The following B4GALT3 variants were observed in gnomAD, a reference collection of about 807,000 sequenced individuals.
B4GALT3 encodes N-acetyllactosamine synthase.
A neutral mutation model predicts 40.7 loss-of-function variants in B4GALT3; 29 were observed. That is an observed-to-expected ratio of 0.71 (90% CI 0.53 to 0.97). The LOEUF is 0.97. Among genes scored for constraint, B4GALT3 ranks in the 50% least tolerant of loss-of-function variants. The pLI is 0.00. For synonymous variants in B4GALT3, 182 were observed against 203.9 expected (o/e 0.89, Z 0.92); for missense variants, 390 against 522.3 (o/e 0.75, Z 2.47).
chr1:161,173,374 G>C (rs1662222828), intron 6 of B4GALT3, among the ~76,000 whole-genome samples: 1 of 152,178 alleles, frequency 6.6e-6, no homozygotes, highest in African/African-American at 2.4e-5. Flanking sequence ...ATTTCCTATT[G>C]ATCTTATGTC....
chr1:161,177,278 C>G, intron 1 of B4GALT3, 145 bp downstream of exon 1: 1 of 582,228 alleles, frequency 1.7e-6, no homozygotes, highest in Non-Finnish European at 3.1e-6. Flanking sequence ...GCAACGTGAG[C>G]CCGCCCGGCC....
At position 161,176,007 on chromosome 1, in the gene B4GALT3, G is replaced by A. The variant is rs1663372062; in HGVS notation, c.54C>T (p.Ser18=). Residue 18 remains serine, a synonymous_variant, in exon 3 of 8, where the codon TCC becomes TCT. Coordinates refer to ENST00000319769, the MANE Select transcript of B4GALT3 (RefSeq NM_003779.4). ...ACAGGTACATCATGACAGCCAGCTG[G>A]GAGCCCACAAGCAGGGCCAGCGTGC... ...RPCTLALLVG[S]QLAVMMYLSL... 1 of 1,613,972 alleles carries A rather than the reference G, an allele frequency of 6.2e-7. No individual in the cohort carries two copies. The highest frequency in any genetic ancestry group is 1.7e-5 in the Admixed American group (1 of 59,990).
Position 161,176,421 on chromosome 1 carries a change from GAGAT to G in B4GALT3, c.-15+9_-15+12del, listed in dbSNP as rs1183511187. ...CCCCTCTTCCAATTTTAGAAGGGAA[GAGAT>G]AGACTCACCTAGGTTCAAGCTGTCT... On this transcript the variant is annotated intron_variant, in intron 2 of 7. Transcript: ENST00000319769. 2 of 404,310 alleles carry G rather than the reference GAGAT, an allele frequency of 4.9e-6. No individual in the cohort carries two copies. The highest frequency in any genetic ancestry group is 4.9e-5 in the East Asian group (1 of 20,554). 25.0% of individuals were successfully genotyped at this position (404,310 alleles called of 1,614,324 possible). A position where few individuals can be genotyped will look rare whatever the true frequency, so the allele number is the denominator to read the frequency against.
Position 161,175,794 on chromosome 1 carries a change from C to T in B4GALT3, c.253+14G>A. ...TTGTCCTTCCTTTCACCACCTCCTT[C>T]CTCCTGCACTTACCTAAGAGAGGAG... On this transcript the variant is annotated intron_variant, in intron 3 of 7. Coordinates refer to ENST00000319769, the MANE Select transcript of B4GALT3 (RefSeq NM_003779.4). The T allele has an allele frequency of 6.2e-7, 1 of 1,609,894 alleles. No homozygotes were observed. Among genetic ancestry groups the T allele is most frequent in the African/African-American group, 1.3e-5 (1 of 74,890 alleles).
chr1:161,172,710 C>A (rs1661896589), intron 6 of B4GALT3, among the ~76,000 whole-genome samples: 1 of 152,112 alleles, frequency 6.6e-6, no homozygotes, highest in South Asian at 2.1e-4. Context: ...GCTACCCCAG[C>A]TTCTCTCCCA....
In B4GALT3 at chr1:161,175,133, C is replaced by T. The variant is rs778993868; in HGVS notation, c.349G>A (p.Ala117Thr). The T allele has an allele frequency of 6.2e-7, 1 of 1,613,956 alleles. No homozygotes were observed. The highest frequency in any genetic ancestry group is 8.5e-7 in the Non-Finnish European group (1 of 1,179,894). Residue 117 changes from alanine (A) to threonine (T), a missense_variant, in exon 4 of 8, where the codon GCA (alanine) becomes ACA (threonine). Ala to Thr is a moderately conservative substitution (Grantham distance 58). This residue lies in a region of B4GALT3 where 183 missense variants were observed against 223.2 expected (regional missense o/e 0.82). Transcript: ENST00000319769. ...GTTCGGGAGCGGGGCTCACAACCTG[C>T]AGGGCGGTACCGGCCCCCTGGTTCT... is the stretch of plus-strand genomic sequence containing the variant. ...RVEPGGRYRPAGCEPRSRTAI... is the reference protein window; with the variant it reads ...RVEPGGRYRPTGCEPRSRTAI...
rs769692096 is a variant in B4GALT3, at chr1:161,175,814, G to C, written c.247C>G (p.Leu83Val). ...TCCTTCCTCCTGCACTTACCTAAGA[G>C]AGGAGATCGTTCTGGACAGTAGGGC... is the stretch of plus-strand genomic sequence containing the variant. ...GLPYCPERSP[L>V]LVGPVSVSFS... Residue 83 changes from leucine (L) to valine (V), a missense_variant, in exon 3 of 8, where the codon CTC becomes GTC. Physicochemically the swap from Leu to Val is conservative, Grantham distance 32 (BLOSUM62 1). Transcript: ENST00000319769. 5.0e-6 allele frequency: 8 copies of C among 1,614,062 alleles called. No individual in the cohort carries two copies. The highest frequency in any genetic ancestry group is 6.8e-6 in the Non-Finnish European group (8 of 1,179,960).
rs762343007 is a variant in B4GALT3 at position 161,175,164 on chromosome 1, G to A, written c.318C>T (p.Pro106=). The A allele has an allele frequency of 1.9e-6, 3 of 1,613,768 alleles. No individual in the cohort carries two copies. The highest frequency in any genetic ancestry group is 1.3e-5 in the African/African-American group (1 of 74,916). ...GGTACCGGCCCCCTGGTTCTACCCGGGGATTCCGCTCCACAATCTCTGCCA... is the reference window on the plus strand; with the variant it reads ...GGTACCGGCCCCCTGGTTCTACCCGAGGATTCCGCTCCACAATCTCTGCCA... ...PSLAEIVERN[P]RVEPGGRYRP... The change falls in exon 4 of 8, where the codon CCC becomes CCT. Residue 106 remains proline (P), a synonymous_variant. Coordinates refer to ENST00000319769, the MANE Select transcript of B4GALT3 (RefSeq NM_003779.4).
In B4GALT3 at chr1:161,175,988, ACAT is replaced by A; in HGVS notation, c.70_72del (p.Met24del). Reference sequence around the variant, plus strand: ...CTTCGGAAGCCCCCCAGTGACAGGTACATCATGACAGCCAGCTGGGAGCCCACA... The same window carrying A: ...CTTCGGAAGCCCCCCAGTGACAGGTACATGACAGCCAGCTGGGAGCCCACA... On this transcript the variant is annotated inframe_deletion, in exon 3 of 8. Coordinates refer to ENST00000319769, the MANE Select transcript of B4GALT3 (RefSeq NM_003779.4). The A allele has an allele frequency of 6.2e-7, 1 of 1,614,100 alleles. No individual in the cohort carries two copies. The highest frequency in any genetic ancestry group is 8.5e-7 in the Non-Finnish European group (1 of 1,180,008).
intron 6 of B4GALT3, 76 bp from the exon 7 acceptor site, chr1:161,172,407 C>T: frequency 7.9e-7 from 1 of 1,263,866 alleles, no homozygotes; most frequent in Non-Finnish European, 1.1e-6. Flanking sequence ...TTTCTGTACA[C>T]ACAAAAAAAC....
chr1:161,173,753 C>G (rs772550720), intron 5 of B4GALT3, 26 bp from the exon 6 acceptor site: 1 of 1,613,874 alleles, frequency 6.2e-7, no homozygotes, highest in Non-Finnish European at 8.5e-7. Context: ...TCCTTGCATA[C>G]CCCGAGTCTT....
At chr1:161,172,959 CA>C (rs1250581176) in intron 6 of B4GALT3, among the ~76,000 whole-genome samples, 2 of 151,906 alleles carry the variant, frequency 1.3e-5, no homozygotes, top group African/African-American at 2.4e-5. Flanking sequence ...TTCTGACACA[CA>C]GAAGCATGGA....
chr1:161,171,644 G>A lies in B4GALT3; in HGVS notation c.*172C>T, dbSNP rs1476505641. On this transcript the variant is annotated 3_prime_UTR_variant, in exon 8 of 8. Transcript: ENST00000319769. ...AGACCCTAGAGAGAGGGACCCCTCAGGTCTACAGGAGCCCAGCTCCAGTCC... is the reference window on the plus strand; with the variant it reads ...AGACCCTAGAGAGAGGGACCCCTCAAGTCTACAGGAGCCCAGCTCCAGTCC... 1 of 875,942 alleles carries A rather than the reference G, an allele frequency of 1.1e-6. No individual in the cohort carries two copies. The highest frequency in any genetic ancestry group is 1.7e-6 in the Non-Finnish European group (1 of 583,302). 54.3% of individuals were successfully genotyped at this position (875,942 alleles called of 1,614,324 possible).
At chr1:161,177,855 G>A (rs1664133094), upstream of B4GALT3, 1 of 152,294 alleles carries the variant, frequency 6.6e-6, no homozygotes, top group South Asian at 2.1e-4. Context: ...CTCCCAGTGT[G>A]TCAGTGGCAC....
chr1:161,176,749 A>C, intron 1 of B4GALT3, 170 bp from the exon 2 acceptor site: 1 of 901,948 alleles, frequency 1.1e-6, no homozygotes, highest in Non-Finnish European at 1.7e-6. Flanking sequence ...TGGAATGATA[A>C]GTGTCAGGTT....
intron 3 of B4GALT3, 34 bp from the exon 4 acceptor site, chr1:161,175,262 A>AG: frequency 6.4e-7 from 1 of 1,574,258 alleles, no homozygotes; most frequent in Non-Finnish European, 8.7e-7. Context: ...GAGGGATCAG[A>AG]GGGGCAAAGA....
In B4GALT3 at chr1:161,171,841, T is replaced by C. The variant is rs754526253; in HGVS notation, c.1157A>G (p.His386Arg). 1.9e-6 allele frequency: 3 copies of C among 1,614,080 alleles called. No individual in the cohort carries two copies. The highest frequency in any genetic ancestry group is 1.1e-5 in the South Asian group (1 of 91,076). ...TCAGTGTGAACCTCGGAGGGCTGTG[T>C]GGTTGGCAGTAGATAGAGGCCCAGG... is the stretch of plus-strand genomic sequence containing the variant. The part of the protein sequence containing the change: ...ARPGPLSTAN[H>R]TALRGSH The change falls in exon 8 of 8, where the codon CAC (histidine) becomes CGC (arginine). Residue 386 changes from histidine to arginine, a missense_variant. Transcript: ENST00000319769.
At chr1:161,175,732 A>G in intron 3 of B4GALT3, 76 bp downstream of exon 3, 1 of 1,569,656 alleles carries the variant, frequency 6.4e-7, no homozygotes, top group Non-Finnish European at 8.7e-7. Context: ...CTGCCACTCC[A>G]TGCCTCCCTA....
At chr1:161,177,068 T>C in intron 1 of B4GALT3, 2 of 1,535,372 alleles carry the variant, frequency 1.3e-6, no homozygotes, top group Non-Finnish European at 1.7e-6. Flanking sequence ...CTTTTCTACC[T>C]TTCCCCTCTT....
Sources: allele counts gnomAD v4.1 joint callset (sites outside exome capture counted in the v4.1 genomes callset), GRCh38; gene constraint gnomAD v4.1.1; regional missense constraint gnomAD v4.1.1; transcripts MANE v1.5; gene names NCBI Gene and HGNC (gene_info 2026-07-23, HGNC 2026-07-21).